Variants in AFF2 observed in about 807,000 individuals in gnomAD.
AFF2 encodes ALF transcription elongation factor 2.
Under a neutral mutation model 76.9 loss-of-function variants are expected in AFF2, and 14 were observed. The observed-to-expected ratio is 0.18, with a 90% CI of 0.12 to 0.28. AFF2 has a LOEUF of 0.28. Among genes scored for constraint, AFF2 ranks in the 10% least tolerant of loss-of-function variants. The pLI is 1.00. For missense variants in AFF2, 868 were observed against 1,001.1 expected (o/e 0.87, Z 1.79); for synonymous variants, 398 against 366.7 (o/e 1.09, Z -0.98).
chrX:148,922,841 G>A (rs73614004), intron 9 of AFF2, among the ~76,000 whole-genome samples: 7,017 of 111,418 alleles, frequency 0.063, 531 homozygotes, highest in African/African-American at 0.22. Context: ...GATATTCGAA[G>A]TCAATCACCT....
At chrX:148,974,410 A>T (rs186624069) in intron 16 of AFF2, among the ~76,000 whole-genome samples, 46 of 111,665 alleles carry the variant, frequency 4.1e-4, no homozygotes, top group African/African-American at 1.3e-3. Flanking sequence ...CTTTTGATTG[A>T]TTGAGTAAGC....
chrX:148,820,251 TGTG>T (rs1433122545), intron 4 of AFF2, among the ~76,000 whole-genome samples: 1 of 111,706 alleles, frequency 9.0e-6, no homozygotes, highest in Admixed American at 9.6e-5. Context: ...ATCTCATGGA[TGTG>T]GTCAATGTGC....
rs1282109736 is a variant in AFF2, at chrX:148,991,750, TACTC to T, written c.*419_*422del. The T allele has an allele frequency of 8.8e-6, 1 of 113,612 alleles. No homozygotes were observed. Among genetic ancestry groups the T allele is most frequent in the Non-Finnish European group, 1.8e-5 (1 of 54,479 alleles). The allele number at this position is 113,612 out of a possible 1,213,427, so 9.4% of individuals were successfully genotyped here. On this transcript the variant is annotated 3_prime_UTR_variant, in exon 21 of 21. Coordinates refer to ENST00000370460, the MANE Select transcript of AFF2 (RefSeq NM_002025.4). ...ACACAAGGGACCATCCCCCAAACTC[TACTC>T]TTATACCCAGAAAAGAACATATTTC...
intron 3 of AFF2, among the ~76,000 whole-genome samples, chrX:148,777,689 A>G (rs188403364): frequency 1.8e-5 from 2 of 112,144 alleles, no homozygotes; most frequent in Admixed American, 1.9e-4. Context: ...TGTGATTTTC[A>G]CACATCGATT....
At chrX:148,794,066 G>A (rs1386418613) in intron 3 of AFF2, among the ~76,000 whole-genome samples, 4 of 111,450 alleles carry the variant, frequency 3.6e-5, no homozygotes, top group African/African-American at 9.8e-5. Flanking sequence ...TAATGCTTTC[G>A]GCCTCTGCTG....
At position 148,500,961 on chromosome X, in the gene AFF2, G is replaced by T; in HGVS notation, c.-137G>T. ...CAGCGCCCGCTGCTGCTGCCGATGC[G>T]GCCCGGACACTTTTAGCTGGGCGGG... On this transcript the variant is annotated 5_prime_UTR_variant, in exon 1 of 21. Transcript: ENST00000370460. 1.3e-6 allele frequency: 1 copy of T among 775,169 alleles called. No individual in the cohort carries two copies. Among genetic ancestry groups the T allele is most frequent in the Non-Finnish European group, 1.8e-6 (1 of 561,898 alleles). 63.9% of individuals were successfully genotyped at this position (775,169 alleles called of 1,213,427 possible).
chrX:148,928,204 G>A (rs929926105), intron 9 of AFF2, among the ~76,000 whole-genome samples: 3 of 111,986 alleles, frequency 2.7e-5, no homozygotes, highest in Non-Finnish European at 5.6e-5. Context: ...GATCACAAAA[G>A]GGCCATAAAA....
At chrX:148,885,555 G>A (rs1012178976) in intron 7 of AFF2, among the ~76,000 whole-genome samples, 9 of 111,446 alleles carry the variant, frequency 8.1e-5, no homozygotes, top group Non-Finnish European at 1.5e-4. Flanking sequence ...TAGAGATCCA[G>A]TGCCACATCC....
At chrX:148,569,343 T>G (rs1291997630) in intron 1 of AFF2, among the ~76,000 whole-genome samples, 2 of 111,734 alleles carry the variant, frequency 1.8e-5, no homozygotes, top group African/African-American at 6.5e-5. Flanking sequence ...ATGTTAGTAC[T>G]TAACATTTCG....
intron 3 of AFF2, among the ~76,000 whole-genome samples, chrX:148,739,688 C>G (rs1466531712): frequency 2.7e-5 from 3 of 110,872 alleles, no homozygotes; most frequent in Non-Finnish European, 3.8e-5. Flanking sequence ...TGCCTGTGTA[C>G]TTTTTTTTAG....
intron 9 of AFF2, among the ~76,000 whole-genome samples, chrX:148,942,477 G>A (rs1406234322): frequency 9.0e-6 from 1 of 111,417 alleles, no homozygotes; most frequent in Non-Finnish European, 1.9e-5. Flanking sequence ...AAAGAGCAAA[G>A]CTTTTAGTTC....
chrX:148,984,827 C>A (rs1189374088), intron 19 of AFF2, among the ~76,000 whole-genome samples: 1 of 111,149 alleles, frequency 9.0e-6, no homozygotes, highest in Non-Finnish European at 1.9e-5. Flanking sequence ...TGAATCCAAC[C>A]TTTTCTTGCA....
At position 148,518,001 on chromosome X, in the gene AFF2, C is replaced by T. The variant is rs111255293; in HGVS notation, c.47+16857C>T. On this transcript the variant is annotated intron_variant, in intron 1 of 20. Transcript: ENST00000370460. ...TCGCGCCACTGCACTCCAGCCTGGG[C>T]GACAGTGCATGACTCCGTCTCAAAA... Among the ~76,000 whole-genome samples, 6 of 98,378 alleles carry T rather than the reference C, an allele frequency of 6.1e-5. No homozygotes were observed. In the Admixed American group the frequency reaches 7.0e-4, roughly 11 times the overall value. The allele number at this position is 98,378 out of a possible 115,157, so 85.4% of individuals were successfully genotyped here. A position where few individuals can be genotyped will look rare whatever the true frequency, so the allele number is the denominator to read the frequency against.
At chrX:148,934,267 A>G (rs986150204) in intron 9 of AFF2, among the ~76,000 whole-genome samples, 12 of 112,393 alleles carry the variant, frequency 1.1e-4, no homozygotes, top group African/African-American at 3.9e-4. Context: ...TAAAATGGCC[A>G]TAACCGATCT....
intron 11 of AFF2, among the ~76,000 whole-genome samples, chrX:148,957,170 G>C (rs2072051320): frequency 8.9e-6 from 1 of 111,765 alleles, no homozygotes; most frequent in Non-Finnish European, 1.9e-5. Context: ...CTAGAGAAAT[G>C]GTTTGGTATC....
At chrX:148,758,170 G>T (rs1480898972) in intron 3 of AFF2, among the ~76,000 whole-genome samples, 1 of 112,670 alleles carries the variant, frequency 8.9e-6, no homozygotes, top group African/African-American at 3.2e-5. Flanking sequence ...GGGGCAGAAT[G>T]CAAGAAGCAG....
chrX:148,847,760 C>A (rs1341971138), intron 7 of AFF2, among the ~76,000 whole-genome samples: 1 of 111,539 alleles, frequency 9.0e-6, no homozygotes, highest in Admixed American at 9.6e-5. Flanking sequence ...GAATGACAGA[C>A]ACAAATAATA....
chrX:148,782,862 A>G (rs1348571035), intron 3 of AFF2, among the ~76,000 whole-genome samples: 1 of 111,735 alleles, frequency 8.9e-6, no homozygotes, highest in Non-Finnish European at 1.9e-5. Context: ...GAAAAATGCA[A>G]TGTTCCAAAA....
At chrX:148,914,902 A>G (rs1449642738) in intron 9 of AFF2, among the ~76,000 whole-genome samples, 3 of 112,640 alleles carry the variant, frequency 2.7e-5, no homozygotes, top group Admixed American at 1.9e-4. Context: ...ATTTAGGGCT[A>G]TTTTTATTTC....
Sources: gnomAD v4.1 joint callset for allele counts (sites outside exome capture counted in the v4.1 genomes callset) on GRCh38, gnomAD v4.1.1 for gene constraint, MANE v1.5 for transcripts, NCBI Gene and HGNC (gene_info 2026-07-23, HGNC 2026-07-21) for gene names.